UTS2B: variants seen among roughly 807,000 people sequenced by gnomAD.
UTS2B encodes urotensin-2B.
UTS2B carries 21 observed loss-of-function variants against 19.2 expected under a neutral mutation model. The observed-to-expected ratio is 1.09, with a 90% CI of 0.78 to 1.58. UTS2B has a LOEUF of 1.58. Among genes scored for constraint, UTS2B ranks in the 40% most tolerant of loss-of-function variants. UTS2B has a pLI of 0.00. For synonymous variants in UTS2B, 57 were observed against 50.2 expected, an observed-to-expected ratio of 1.14 and a Z score of -0.58; for missense variants, 138 against 130.3, an observed-to-expected ratio of 1.06 and a Z score of -0.29.
chr3:191,327,152 T>A (rs1372899002), intron 2 of UTS2B, among the ~76,000 whole-genome samples: 1 of 152,206 alleles, frequency 6.6e-6, no homozygotes, highest in Non-Finnish European at 1.5e-5. Flanking sequence ...GTGATTTTAC[T>A]GAAAAGAATG....
upstream of UTS2B, among the ~76,000 whole-genome samples, chr3:191,333,085 CT>C (rs542600883): frequency 1.3e-3 from 204 of 152,146 alleles, 1 homozygote; most frequent in African/African-American, 4.7e-3. Context: ...GAAAGTTCCA[CT>C]GTCTCAAAGT....
chr3:191,297,662 CA>C (rs1474900011), intron 4 of UTS2B, among the ~76,000 whole-genome samples: 3 of 152,142 alleles, frequency 2.0e-5, no homozygotes, highest in African/African-American at 4.8e-5. Flanking sequence ...AGTAATGCCT[CA>C]TTTTTCATTG....
intron 4 of UTS2B, among the ~76,000 whole-genome samples, chr3:191,292,909 CTA>C (rs1716756311): frequency 6.6e-6 from 1 of 151,890 alleles, no homozygotes; most frequent in African/African-American, 2.4e-5. Flanking sequence ...ATTGAGACGA[CTA>C]TAGAATAAAA....
chr3:191,287,853 T>C (rs1272656346), intron 4 of UTS2B, among the ~76,000 whole-genome samples: 2 of 152,102 alleles, frequency 1.3e-5, no homozygotes, highest in African/African-American at 4.8e-5. Context: ...AGAAGTTAAA[T>C]TGTCCCTGTT....
chr3:191,275,855 A>G (rs567527647), intron 7 of UTS2B, among the ~76,000 whole-genome samples: 2 of 152,334 alleles, frequency 1.3e-5, no homozygotes, highest in African/African-American at 2.4e-5. Flanking sequence ...AACAGGGAGC[A>G]TGCATTCAGG....
chr3:191,321,304 G>T (rs1050296869), intron 2 of UTS2B, among the ~76,000 whole-genome samples: 1 of 152,096 alleles, frequency 6.6e-6, no homozygotes, highest in African/African-American at 2.4e-5. Context: ...TTATCAGAAG[G>T]CTATACTCTA....
upstream of UTS2B, among the ~76,000 whole-genome samples, chr3:191,334,015 T>C (rs1180420318): frequency 1.3e-5 from 2 of 152,172 alleles, no homozygotes; most frequent in Non-Finnish European, 2.9e-5. Context: ...AGTAAAATTT[T>C]CTAAATGCTA....
At chr3:191,343,029 AT>A in the UTS2B span, among the ~76,000 whole-genome samples, 2 of 151,924 alleles carry the variant, frequency 1.3e-5, no homozygotes, top group East Asian at 1.9e-4. Flanking sequence ...TTATACACGG[AT>A]TTTTTTTCAA....
intron 2 of UTS2B, among the ~76,000 whole-genome samples, chr3:191,322,469 A>G (rs1717635974): frequency 6.6e-6 from 1 of 152,250 alleles, no homozygotes; most frequent in African/African-American, 2.4e-5. Context: ...GTCACTGCTA[A>G]TGTTAATAAG....
At chr3:191,270,478 G>A (rs960116138) in intron 8 of UTS2B, among the ~76,000 whole-genome samples, 3 of 152,148 alleles carry the variant, frequency 2.0e-5, no homozygotes, top group African/African-American at 7.2e-5. Flanking sequence ...GATTGCAGGT[G>A]TGAGCCACTG....
chr3:191,339,034 C>T, the UTS2B span, among the ~76,000 whole-genome samples: 3 of 152,104 alleles, frequency 2.0e-5, no homozygotes, highest in Non-Finnish European at 4.4e-5. Context: ...GGGGAAGGCT[C>T]TTACACAGTT....
Position 191,309,702 on chromosome 3 carries a change from G to A in UTS2B, c.-181-5154C>T, listed in dbSNP as rs377188075. Among the ~76,000 whole-genome samples, 70 of 152,178 alleles carry A rather than the reference G, an allele frequency of 4.6e-4. No individual in the cohort carries two copies. The South Asian group carries it at 0.013, about 29-fold the overall frequency. On this transcript the variant is annotated intron_variant, in intron 3 of 8. Transcript: ENST00000340524. ...CTCGATGCTGTTTTGGTAATAGCGC[G>A]TGAGTCAGTTATTGTGAGATCTGGT...
chr3:191,289,459 G>A (rs1473827852), intron 4 of UTS2B, among the ~76,000 whole-genome samples: 2 of 110,194 alleles, frequency 1.8e-5, no homozygotes, highest in South Asian at 3.1e-4. Context: ...AAAAACAAAC[G>A]AAATTAATAT....
intron 4 of UTS2B, among the ~76,000 whole-genome samples, chr3:191,284,393 T>G (rs1235210676): frequency 6.6e-6 from 1 of 151,828 alleles, no homozygotes; most frequent in Non-Finnish European, 1.5e-5. Flanking sequence ...GTAATCATGG[T>G]TCACTGCAAC....
chr3:191,317,447 C>T (rs1717494036), intron 2 of UTS2B, among the ~76,000 whole-genome samples: 1 of 147,458 alleles, frequency 6.8e-6, no homozygotes, highest in African/African-American at 2.5e-5. Flanking sequence ...AGAGGGGCTC[C>T]CACAGTGCAG....
At chr3:191,296,354 T>C (rs1466060406) in intron 4 of UTS2B, among the ~76,000 whole-genome samples, 2 of 152,168 alleles carry the variant, frequency 1.3e-5, no homozygotes, top group Non-Finnish European at 2.9e-5. Flanking sequence ...CCCTGATTTC[T>C]CCAGATTAAG....
At chr3:191,274,260 C>T (rs760645068) in intron 8 of UTS2B, among the ~76,000 whole-genome samples, 1 of 152,106 alleles carries the variant, frequency 6.6e-6, no homozygotes, top group Non-Finnish European at 1.5e-5. Context: ...TAAAAAAAGT[C>T]ATATTAATAG....
At chr3:191,284,977 G>A (rs531126475) in intron 4 of UTS2B, among the ~76,000 whole-genome samples, 53 of 152,228 alleles carry the variant, frequency 3.5e-4, no homozygotes, top group African/African-American at 1.2e-3. Context: ...GTGCTAATTA[G>A]TAACTTGAAA....
At chr3:191,335,938 C>T in the UTS2B span, among the ~76,000 whole-genome samples, 6 of 150,468 alleles carry the variant, frequency 4.0e-5, no homozygotes, top group African/African-American at 9.8e-5. Context: ...GTTTCATGCC[C>T]CCACCAGCCA....
Sources: gnomAD v4.1 joint callset for allele counts (sites outside exome capture counted in the v4.1 genomes callset) on GRCh38, gnomAD v4.1.1 for gene constraint, MANE v1.5 for transcripts, NCBI Gene and HGNC (gene_info 2026-07-23, HGNC 2026-07-21) for gene names.